Variants in GNAQ observed in about 807,000 individuals in gnomAD.
GNAQ encodes the protein G protein subunit alpha q, also known as guanine nucleotide-binding protein G(q) subunit alpha.
A neutral mutation model predicts 43.9 loss-of-function variants in GNAQ; 8 were observed. That is an observed-to-expected ratio of 0.18 (90% CI 0.11 to 0.33). The LOEUF is 0.33. Ranked by LOEUF, GNAQ falls within the 10% of genes least tolerant of loss-of-function variation. The probability of loss-of-function intolerance (pLI) is 1.00; values close to 1 mark genes in which losing one functional copy is unlikely to be tolerated. For missense variants in GNAQ, 158 were observed against 450.8 expected, an observed-to-expected ratio of 0.35 and a Z score of 5.88; for synonymous variants, 155 against 170.7, an observed-to-expected ratio of 0.91 and a Z score of 0.71.
intron 1 of GNAQ, among the ~76,000 whole-genome samples, chr9:77,983,287 C>T (rs1386622145): frequency 6.6e-6 from 1 of 152,214 alleles, no homozygotes; most frequent in African/African-American, 2.4e-5. Flanking sequence ...TAGAAAGCAA[C>T]TGCGTCATTT....
intron 5 of GNAQ, among the ~76,000 whole-genome samples, chr9:77,778,200 T>C (rs1826333564): frequency 7.1e-6 from 1 of 140,866 alleles, no homozygotes; most frequent in South Asian, 2.3e-4. Context: ...TATATATACA[T>C]AGTTTTACAC....
At chr9:77,889,679 G>GT in intron 2 of GNAQ, among the ~76,000 whole-genome samples, 1 of 152,146 alleles carries the variant, frequency 6.6e-6, no homozygotes, top group South Asian at 2.1e-4. Flanking sequence ...AATGTTTCTT[G>GT]TTTTTTCTCT....
intron 1 of GNAQ, among the ~76,000 whole-genome samples, chr9:78,010,945 CAT>C (rs907942759): frequency 6.6e-5 from 10 of 152,324 alleles, no homozygotes; most frequent in Admixed American, 2.0e-4. Flanking sequence ...AGAGGAACAA[CAT>C]AGCCAACAGA....
At chr9:77,892,599 A>AC (rs1278144734) in intron 2 of GNAQ, among the ~76,000 whole-genome samples, 2 of 152,214 alleles carry the variant, frequency 1.3e-5, no homozygotes, top group African/African-American at 2.4e-5. Context: ...GTGATCTTTA[A>AC]CAACAGTCAT....
chr9:77,742,050 CAG>C (rs1265525041), intron 5 of GNAQ, among the ~76,000 whole-genome samples: 1 of 152,186 alleles, frequency 6.6e-6, no homozygotes, highest in Non-Finnish European at 1.5e-5. Context: ...GTGCTTTTGA[CAG>C]TGCACACCAG....
chr9:77,798,367 T>C (rs1017223605), intron 3 of GNAQ, among the ~76,000 whole-genome samples: 5 of 152,200 alleles, frequency 3.3e-5, no homozygotes, highest in African/African-American at 1.2e-4. Context: ...GCAAAAATAT[T>C]ACAGAACATT....
intron 2 of GNAQ, among the ~76,000 whole-genome samples, chr9:77,843,246 C>T (rs572421980): frequency 6.6e-5 from 10 of 152,220 alleles, no homozygotes; most frequent in East Asian, 5.8e-4. Flanking sequence ...TTGAGCCATG[C>T]GGATATCTGG....
At chr9:77,764,615 C>G (rs1191864981) in intron 5 of GNAQ, among the ~76,000 whole-genome samples, 1 of 152,036 alleles carries the variant, frequency 6.6e-6, no homozygotes, top group Non-Finnish European at 1.5e-5. Flanking sequence ...GCCACCATGC[C>G]CGGCTAATTT....
At chr9:77,918,283 T>C (rs1215857684) in intron 2 of GNAQ, among the ~76,000 whole-genome samples, 3 of 152,190 alleles carry the variant, frequency 2.0e-5, no homozygotes, top group South Asian at 2.1e-4. Context: ...TATGCTACTA[T>C]AGATTATGGC....
chr9:77,743,715 T>A (rs1825689756), intron 5 of GNAQ, among the ~76,000 whole-genome samples: 1 of 152,194 alleles, frequency 6.6e-6, no homozygotes, highest in African/African-American at 2.4e-5. Context: ...TTCTGAGGTT[T>A]TGTGAGTTTA....
At chr9:78,020,205 C>T (rs926500655) in intron 1 of GNAQ, among the ~76,000 whole-genome samples, 7 of 152,172 alleles carry the variant, frequency 4.6e-5, no homozygotes, top group African/African-American at 1.7e-4. Context: ...AGATGCAAGC[C>T]AAGCAAAAGC....
rs558367370 is a variant in GNAQ, at chr9:77,945,290, T to C, written c.137-22945A>G. ...GAAAATGTAGCACTTGAAACAGATA[T>C]GAAGTAGCTATAAAGTTGCTTTACT... On this transcript the variant is annotated intron_variant, in intron 1 of 6. Transcript: ENST00000286548. Among the ~76,000 whole-genome samples, 4 of 152,252 alleles carry C rather than the reference T, an allele frequency of 2.6e-5. No homozygotes were observed. In the East Asian group the frequency reaches 7.7e-4, roughly 29 times the overall value.
intron 2 of GNAQ, among the ~76,000 whole-genome samples, chr9:77,853,135 A>G (rs546500273): frequency 3.9e-5 from 6 of 152,340 alleles, no homozygotes; most frequent in Admixed American, 6.5e-5. Context: ...AAAATTTTAG[A>G]AAGCAGTACA....
At chr9:77,912,045 T>TA (rs139295296) in intron 2 of GNAQ, among the ~76,000 whole-genome samples, 1,782 of 152,186 alleles carry the variant, frequency 0.012, 28 homozygotes, top group African/African-American at 0.04. Context: ...ACCTGCCAGT[T>TA]AAAAAAATGC....
intron 5 of GNAQ, among the ~76,000 whole-genome samples, chr9:77,773,256 A>C (rs1361778596): frequency 1.3e-5 from 2 of 152,250 alleles, no homozygotes; most frequent in African/African-American, 4.8e-5. Context: ...TGAGGCATAA[A>C]TGTCAAATCA....
chr9:77,941,803 A>G (rs1317863573), intron 1 of GNAQ, among the ~76,000 whole-genome samples: 1 of 152,172 alleles, frequency 6.6e-6, no homozygotes, highest in Non-Finnish European at 1.5e-5. Flanking sequence ...GTTTAACTAA[A>G]TAAAACTGTT....
chr9:77,826,190 A>G (rs1479038076), intron 2 of GNAQ, among the ~76,000 whole-genome samples: 1 of 152,166 alleles, frequency 6.6e-6, no homozygotes, highest in East Asian at 1.9e-4. Flanking sequence ...TGTGTTCTAT[A>G]ATGCAAAAAC....
intron 3 of GNAQ, among the ~76,000 whole-genome samples, chr9:77,812,346 T>C (rs1374007516): frequency 1.3e-5 from 2 of 152,326 alleles, no homozygotes; most frequent in Middle Eastern, 3.4e-3. Flanking sequence ...TGGTAAATCT[T>C]ACCTTCATCC....
intron 5 of GNAQ, among the ~76,000 whole-genome samples, chr9:77,729,114 A>G (rs1825445414): frequency 6.6e-6 from 1 of 152,170 alleles, no homozygotes; most frequent in South Asian, 2.1e-4. Flanking sequence ...TAAGCAATCA[A>G]AACAGTTACT....
Sources: allele counts gnomAD v4.1 joint callset (sites outside exome capture counted in the v4.1 genomes callset), GRCh38; gene constraint gnomAD v4.1.1; transcripts MANE v1.5; gene names NCBI Gene and HGNC (gene_info 2026-07-23, HGNC 2026-07-21).